Variants in HIPK2 observed in about 807,000 individuals in gnomAD.
HIPK2 encodes the protein homeodomain-interacting protein kinase 2.
A neutral mutation model predicts 113.7 loss-of-function variants in HIPK2; 27 were observed. The ratio of observed to expected loss-of-function variants is 0.24; its 90% CI spans 0.17 to 0.33. The LOEUF is 0.33. Among genes scored for constraint, HIPK2 ranks in the 10% least tolerant of loss-of-function variants. The pLI is 1.00. For synonymous variants in HIPK2, 631 were observed against 642.2 expected (o/e 0.98, Z 0.26); for missense variants, 1,257 against 1,588.0 (o/e 0.79, Z 3.54).
In HIPK2 at chr7:139,613,439, T is replaced by C. The variant is rs41274209; in HGVS notation, c.1991-116A>G. On this transcript the variant is annotated intron_variant, in intron 8 of 14. Coordinates refer to ENST00000406875, the MANE Select transcript of HIPK2 (RefSeq NM_022740.5). The surrounding 1 kb of genome is among the most constrained non-coding windows in gnomAD (Gnocchi z 4.2). ...TTCTGCTTCCCTTTGCACTGGTCACTGACAACAACCAGGTATTGCCTGGTC... is the reference window on the plus strand; with the variant it reads ...TTCTGCTTCCCTTTGCACTGGTCACCGACAACAACCAGGTATTGCCTGGTC... 172,350 of 1,258,870 alleles carry C rather than the reference T, an allele frequency of 0.14. 17,631 individuals carry two copies. Among genetic ancestry groups the C allele is most frequent in the African/African-American group, 0.51 (34,324 of 66,692 alleles). The allele number at this position is 1,258,870 out of a possible 1,614,324, so 78.0% of individuals were successfully genotyped here. A position where few individuals can be genotyped will look rare whatever the true frequency, so the allele number is the denominator to read the frequency against.
At chr7:139,767,520 G>C (rs574340534) in intron 1 of HIPK2, among the ~76,000 whole-genome samples, 1 of 152,328 alleles carries the variant, frequency 6.6e-6, no homozygotes, top group East Asian at 1.9e-4. Context: ...ATCAAAGAAG[G>C]ATGGTAGGAG....
At chr7:139,677,388 T>C (rs927827079) in intron 2 of HIPK2, among the ~76,000 whole-genome samples, 4 of 152,134 alleles carry the variant, frequency 2.6e-5, no homozygotes, top group African/African-American at 9.7e-5. Flanking sequence ...TGTGCTACTA[T>C]AAAACAACAC....
intron 2 of HIPK2, among the ~76,000 whole-genome samples, chr7:139,663,900 C>T (rs1231609498): frequency 6.6e-6 from 1 of 152,224 alleles, no homozygotes; most frequent in African/African-American, 2.4e-5. Flanking sequence ...TCTTCCTTCA[C>T]CAGCTCTCAG....
In HIPK2 at chr7:139,772,697, C is replaced by T. The variant is rs1585471548; in HGVS notation, c.19+4908G>A. On this transcript the variant is annotated intron_variant, in intron 1 of 14. Transcript: ENST00000406875. Reference sequence around the variant, plus strand: ...CCGCCTCCTGGGTTCAAGCAATTCTCCTGCCTCAGCCTCCCAAGTAGCTGG... The same window carrying T: ...CCGCCTCCTGGGTTCAAGCAATTCTTCTGCCTCAGCCTCCCAAGTAGCTGG... Among the ~76,000 whole-genome samples, 6 of 152,180 alleles carry T rather than the reference C, an allele frequency of 3.9e-5. No individual in the cohort carries two copies. In the South Asian group the frequency reaches 1.2e-3, roughly 32 times the overall value.
chr7:139,745,642 C>G (rs956471242), intron 1 of HIPK2, among the ~76,000 whole-genome samples: 1 of 152,174 alleles, frequency 6.6e-6, no homozygotes, highest in African/African-American at 2.4e-5. Flanking sequence ...CTCTTGTTTT[C>G]TCTTTCCCCC....
chr7:139,575,299 A>C lies in HIPK2; in HGVS notation c.2966-11T>G, dbSNP rs1400224986. ...GGTGACTGGTGTTGACTGTGGCGGGAGGAGAAAGAGGTCAGATCAGTGGCA... is the reference window on the plus strand; with the variant it reads ...GGTGACTGGTGTTGACTGTGGCGGGCGGAGAAAGAGGTCAGATCAGTGGCA... On this transcript the variant is annotated splice_polypyrimidine_tract_variant and intron_variant, in intron 13 of 14. Coordinates refer to ENST00000406875, the MANE Select transcript of HIPK2 (RefSeq NM_022740.5). 1.3e-6 allele frequency: 2 copies of C among 1,553,168 alleles called. No homozygotes were observed. The highest frequency in any genetic ancestry group is 1.7e-6 in the Non-Finnish European group (2 of 1,147,988).
intron 2 of HIPK2, among the ~76,000 whole-genome samples, chr7:139,649,032 T>C (rs941735487): frequency 9.9e-5 from 15 of 152,078 alleles, no homozygotes; most frequent in Non-Finnish European, 1.6e-4. Context: ...ATATTTCCTC[T>C]GTTCTTCTAA....
At chr7:139,600,281 C>T in intron 11 of HIPK2, 136 bp downstream of exon 11, 5 of 1,026,650 alleles carry the variant, frequency 4.9e-6, no homozygotes, top group Non-Finnish European at 6.9e-6. Context: ...TTGCTAGTCA[C>T]TGCAGGAAGA....
chr7:139,632,627 A>T (rs1800656521), intron 2 of HIPK2, among the ~76,000 whole-genome samples: 1 of 152,188 alleles, frequency 6.6e-6, no homozygotes, highest in African/African-American at 2.4e-5. Context: ...CCTAAACCCC[A>T]AGAGAACATT....
intron 1 of HIPK2, among the ~76,000 whole-genome samples, chr7:139,770,467 G>A (rs937724957): frequency 6.6e-6 from 1 of 152,192 alleles, no homozygotes; most frequent in Non-Finnish European, 1.5e-5. Flanking sequence ...TGGGAATAAC[G>A]ATTCCATAGG....
chr7:139,646,993 T>C (rs980002940), intron 2 of HIPK2, among the ~76,000 whole-genome samples: 6 of 152,034 alleles, frequency 3.9e-5, no homozygotes, highest in Admixed American at 3.3e-4. Context: ...CTTTGAAGCT[T>C]TCTACTCAAA....
At chr7:139,774,719 T>C (rs1569486783) in intron 1 of HIPK2, among the ~76,000 whole-genome samples, 1 of 152,206 alleles carries the variant, frequency 6.6e-6, no homozygotes, top group Non-Finnish European at 1.5e-5. Flanking sequence ...GCTCCTCTCA[T>C]TCAGAACCCA....
chr7:139,719,646 T>C (rs1795349871), intron 1 of HIPK2, among the ~76,000 whole-genome samples: 1 of 152,226 alleles, frequency 6.6e-6, no homozygotes, highest in South Asian at 2.1e-4. Flanking sequence ...TCTCACCCTC[T>C]ATCCTAACAT....
chr7:139,702,010 T>C (rs909480559), intron 2 of HIPK2, among the ~76,000 whole-genome samples: 2 of 152,246 alleles, frequency 1.3e-5, no homozygotes, highest in Admixed American at 1.3e-4. Flanking sequence ...GTTAGGGATC[T>C]GGACGTGGGA....
rs1202746714 is a variant in HIPK2, at chr7:139,722,959, G to A, written c.20-5944C>T. The stretch of plus-strand genomic sequence containing the variant: ...GCTCATTGCAGCCTCGAACTCCTGG[G>A]CTCACATGATTCTCCTGCCTCAGCT... On this transcript the variant is annotated intron_variant, in intron 1 of 14. Coordinates refer to ENST00000406875, the MANE Select transcript of HIPK2 (RefSeq NM_022740.5). Among the ~76,000 whole-genome samples the A allele has an allele frequency of 1.2e-4, 18 of 151,988 alleles. No homozygotes were observed. The East Asian group carries it at 2.1e-3, about 18-fold the overall frequency.
At position 139,569,909 on chromosome 7, in the gene HIPK2, G is replaced by A. The variant is rs1798208491; in HGVS notation, c.*3018C>T. On this transcript the variant is annotated 3_prime_UTR_variant, in exon 15 of 15. Transcript: ENST00000406875. ...TCAACATAATGATCATAATTACAAT[G>A]GTAATAAAAATAATTAGTACAATAA... is the stretch of plus-strand genomic sequence containing the variant. 6.6e-6 allele frequency: 1 copy of A among 151,862 alleles called. No homozygotes were observed. The highest frequency in any genetic ancestry group is 2.4e-5 in the African/African-American group (1 of 41,334). 9.4% of individuals were successfully genotyped at this position (151,862 alleles called of 1,614,324 possible).
At chr7:139,581,092 T>C (rs1259502558) in intron 13 of HIPK2, among the ~76,000 whole-genome samples, 1 of 152,084 alleles carries the variant, frequency 6.6e-6, no homozygotes, top group Non-Finnish European at 1.5e-5. Context: ...TGGTGGTGCA[T>C]GCCGGTAGTC....
intron 2 of HIPK2, among the ~76,000 whole-genome samples, chr7:139,698,915 T>A (rs949735456): frequency 6.6e-6 from 1 of 152,038 alleles, no homozygotes; most frequent in African/African-American, 2.4e-5. Context: ...TACCACAGAT[T>A]TTACATGCAG....
chr7:139,621,461 G>T (rs950482250), intron 6 of HIPK2, among the ~76,000 whole-genome samples: 2 of 152,176 alleles, frequency 1.3e-5, no homozygotes, highest in African/African-American at 4.8e-5. Flanking sequence ...CAAAAGTAAA[G>T]TATAAAAGTG....
Sources: allele counts gnomAD v4.1 joint callset (sites outside exome capture counted in the v4.1 genomes callset), GRCh38; gene constraint gnomAD v4.1.1; non-coding constraint Gnocchi (gnomAD v3.1); transcripts MANE v1.5; gene names NCBI Gene and HGNC (gene_info 2026-07-23, HGNC 2026-07-21).